Variants in TNRC6A observed in about 807,000 individuals in gnomAD.
TNRC6A encodes trinucleotide repeat containing adaptor 6A, also known as trinucleotide repeat-containing gene 6A protein.
TNRC6A carries 44 observed loss-of-function variants against 221.2 expected under a neutral mutation model. The ratio of observed to expected loss-of-function variants is 0.20; its 90% CI spans 0.16 to 0.26. The LOEUF is 0.26. TNRC6A is among the 10% of genes least tolerant of loss of function. TNRC6A has a pLI of 1.00. For missense variants in TNRC6A, 2,199 were observed against 2,404.4 expected (o/e 0.91, Z 1.79); for synonymous variants, 847 against 838.5 (o/e 1.01, Z -0.18).
rs1157107808 is a variant in TNRC6A at position 24,790,066 on chromosome 16, T to A, written c.1424T>A (p.Leu475Gln). ...TCCGGTTCAGTGCAGAATAATGAGCTGCCTAGTAGTAACACAGGGGCCTGG... is the reference window on the plus strand; with the variant it reads ...TCCGGTTCAGTGCAGAATAATGAGCAGCCTAGTAGTAACACAGGGGCCTGG... ...PNSGSVQNNE[L>Q]PSSNTGAWRV... Residue 475 changes from leucine to glutamine, a missense_variant, in exon 6 of 25, where the codon CTG becomes CAG. By Grantham distance (113) the Leu-to-Gln change is moderately radical. This residue lies in a region of TNRC6A where 1,405 missense variants were observed against 1,400.2 expected (regional missense o/e 1.00). Transcript: ENST00000395799. 1 of 1,614,128 alleles carries A rather than the reference T, an allele frequency of 6.2e-7. No individual in the cohort carries two copies. The highest frequency in any genetic ancestry group is 1.3e-5 in the African/African-American group (1 of 74,946).
At chr16:24,749,976 C>A (rs1347652942) in intron 2 of TNRC6A, among the ~76,000 whole-genome samples, 4 of 152,078 alleles carry the variant, frequency 2.6e-5, no homozygotes, top group Non-Finnish European at 5.9e-5. Context: ...CCCGTCTGTA[C>A]TAAAAATACA....
chr16:24,755,834 A>G (rs1361944171), intron 3 of TNRC6A, among the ~76,000 whole-genome samples: 2 of 152,146 alleles, frequency 1.3e-5, no homozygotes, highest in African/African-American at 2.4e-5. Context: ...AAAAATGGAA[A>G]TCATTTTGCT....
intron 4 of TNRC6A, among the ~76,000 whole-genome samples, chr16:24,766,828 C>A (rs1203457274): frequency 6.6e-6 from 1 of 151,974 alleles, no homozygotes; most frequent in Non-Finnish European, 1.5e-5. Flanking sequence ...AGGCGCCTGC[C>A]ACCACACCCA....
intron 4 of TNRC6A, among the ~76,000 whole-genome samples, chr16:24,761,894 G>A (rs77006651): frequency 0.03 from 4,561 of 152,212 alleles, 241 homozygotes; most frequent in African/African-American, 0.1. Flanking sequence ...AGTAAGCACT[G>A]TTGATTTTTG....
intron 1 of TNRC6A, among the ~76,000 whole-genome samples, chr16:24,613,902 G>C (rs1439193510): frequency 6.6e-6 from 1 of 152,082 alleles, no homozygotes; most frequent in Non-Finnish European, 1.5e-5. Flanking sequence ...GAACACAAGA[G>C]GTATATCAGT....
At chr16:24,750,609 A>G in intron 2 of TNRC6A, 117 bp from the exon 3 acceptor site, 1 of 1,235,286 alleles carries the variant, frequency 8.1e-7, no homozygotes, top group Non-Finnish European at 1.1e-6. Context: ...TGAATGATAA[A>G]ATAATAATTT....
intron 1 of TNRC6A, among the ~76,000 whole-genome samples, chr16:24,627,301 T>G (rs1268970264): frequency 6.6e-6 from 1 of 152,046 alleles, no homozygotes; most frequent in African/African-American, 2.4e-5. Flanking sequence ...AAGGCTGTGC[T>G]TCACAATCCG....
chr16:24,725,063 T>G (rs1840807290), upstream of TNRC6A, among the ~76,000 whole-genome samples: 1 of 152,202 alleles, frequency 6.6e-6, no homozygotes, highest in South Asian at 2.1e-4. Flanking sequence ...AAAAAGGGCT[T>G]ATTTAAAATT....
intron 18 of TNRC6A, 31 bp from the exon 19 acceptor site, chr16:24,815,116 T>C (rs754112475): frequency 6.9e-6 from 11 of 1,598,260 alleles, no homozygotes; most frequent in African/African-American, 1.3e-5. Flanking sequence ...TGTATTTTGC[T>C]CACATTTCTC....
At chr16:24,706,589 G>T (rs1015216453) in intron 2 of TNRC6A, among the ~76,000 whole-genome samples, 9 of 150,950 alleles carry the variant, frequency 6.0e-5, no homozygotes, top group Non-Finnish European at 1.2e-4. Context: ...AGTGGCGGGC[G>T]CCTGAAGCAG....
At position 24,804,240 on chromosome 16, in the gene TNRC6A, G is replaced by C. The variant is rs373869776; in HGVS notation, c.3758G>C (p.Arg1253Pro). Residue 1253 changes from arginine (R) to proline (P), a missense_variant, in exon 12 of 25, where the codon CGA becomes CCA. By Grantham distance (103) the Arg-to-Pro change is moderately radical. Around this residue, in one of 8 missense-constraint regions of TNRC6A, gnomAD observed 158 missense variants for 159.1 expected, o/e 0.99. Coordinates refer to ENST00000395799, the MANE Select transcript of TNRC6A (RefSeq NM_014494.4). ...AGCCTAAATATTGGTGATTACAATCGAACGGTCGGGAAAGGCCCTGGTTCT... is the reference window on the plus strand; with the variant it reads ...AGCCTAAATATTGGTGATTACAATCCAACGGTCGGGAAAGGCCCTGGTTCT... ...KHSLNIGDYN[R>P]TVGKGPGSRP... The C allele has an allele frequency of 1.2e-6, 2 of 1,613,740 alleles. No individual in the cohort carries two copies. Among genetic ancestry groups the C allele is most frequent in the African/African-American group, 1.3e-5 (1 of 75,008 alleles).
chr16:24,784,061 G>A (rs1162065279), intron 5 of TNRC6A, among the ~76,000 whole-genome samples: 1 of 152,178 alleles, frequency 6.6e-6, no homozygotes, highest in Non-Finnish European at 1.5e-5. Context: ...GAGTGCAGTG[G>A]TGCGATCTCG....
chr16:24,780,977 C>T (rs1027814481), intron 5 of TNRC6A, among the ~76,000 whole-genome samples: 1 of 151,044 alleles, frequency 6.6e-6, no homozygotes, highest in Non-Finnish European at 1.5e-5. Flanking sequence ...TTGCACCTTC[C>T]CCTTGGACGA....
intron 2 of TNRC6A, among the ~76,000 whole-genome samples, chr16:24,666,241 G>T (rs1355137969): frequency 1.3e-5 from 2 of 151,998 alleles, no homozygotes; most frequent in African/African-American, 4.8e-5. Flanking sequence ...GGCCAAGGCG[G>T]GTGGATCACG....
intron 18 of TNRC6A, among the ~76,000 whole-genome samples, chr16:24,813,329 A>C (rs935601323): frequency 3.3e-5 from 5 of 152,028 alleles, no homozygotes; most frequent in Non-Finnish European, 5.9e-5. Context: ...TAGTTTTTCA[A>C]CCCTTGCCAC....
Position 24,732,787 on chromosome 16 carries a change from A to G in TNRC6A, c.53+2487A>G, listed in dbSNP as rs183337058. On this transcript the variant is annotated intron_variant, in intron 2 of 24. Transcript: ENST00000395799. ...TAGCACTCCCCGTCCAGTTGTGACA[A>G]TCACCAATGCTTCCAGATATTGCTA... 5.2e-4 allele frequency among the ~76,000 whole-genome samples: 79 copies of G among 152,332 alleles called. 1 individual carries two copies. The highest frequency in any genetic ancestry group is 5.9e-5 in the Non-Finnish European group (4 of 68,022).
intron 1 of TNRC6A, among the ~76,000 whole-genome samples, chr16:24,638,129 G>A (rs1317559810): frequency 3.3e-5 from 5 of 152,156 alleles, no homozygotes; most frequent in Admixed American, 6.6e-5. Context: ...GCAAAAATCA[G>A]TATAGCGGCC....
chr16:24,613,741 G>T (rs973877118), intron 1 of TNRC6A, among the ~76,000 whole-genome samples: 1 of 151,878 alleles, frequency 6.6e-6, no homozygotes, highest in Middle Eastern at 3.4e-3. Context: ...TCGCCATGTT[G>T]GCCAGGCTAG....
chr16:24,663,812 C>T (rs1028930447), intron 2 of TNRC6A: 10 of 422,632 alleles, frequency 2.4e-5, no homozygotes, highest in East Asian at 7.1e-5. Context: ...ACAGCATGAC[C>T]GCAGGCACCC....
Sources: allele counts gnomAD v4.1 joint callset (sites outside exome capture counted in the v4.1 genomes callset), GRCh38; gene constraint gnomAD v4.1.1; regional missense constraint gnomAD v4.1.1; transcripts MANE v1.5; gene names NCBI Gene and HGNC (gene_info 2026-07-23, HGNC 2026-07-21).